Variants in ULK2 observed in about 807,000 individuals in gnomAD.
ULK2 encodes the protein unc-51 like autophagy activating kinase 2.
ULK2 carries 76 observed loss-of-function variants against 127.5 expected under a neutral mutation model. That is an observed-to-expected ratio of 0.60 (90% confidence interval 0.50 to 0.72). The LOEUF (loss-of-function observed/expected upper bound fraction) is 0.72, where lower values mean the gene tolerates loss of function less well. ULK2 is among the 30% of genes least tolerant of loss of function. The pLI, the probability that ULK2 is intolerant of heterozygous loss-of-function variation, is 0.00. For synonymous variants in ULK2, 452 were observed against 461.9 expected (o/e 0.98, Z 0.28); for missense variants, 1,144 against 1,295.9 (o/e 0.88, Z 1.80).
At chr17:19,785,068 G>A (rs1182682715) in intron 21 of ULK2, among the ~76,000 whole-genome samples, 1 of 151,930 alleles carries the variant, frequency 6.6e-6, no homozygotes, top group East Asian at 1.9e-4. Context: ...TTGATTTCAA[G>A]TCCAATCTAA....
At chr17:19,845,233 C>T (rs1333315340) in intron 7 of ULK2, 71 bp downstream of exon 7, 41 of 1,309,336 alleles carry the variant, frequency 3.1e-5, no homozygotes, top group Middle Eastern at 1.8e-4. Context: ...TTTGGAAGCA[C>T]GCATTATATT....
At chr17:19,798,386 C>T (rs1450818733) in intron 17 of ULK2, among the ~76,000 whole-genome samples, 2 of 152,172 alleles carry the variant, frequency 1.3e-5, no homozygotes, top group Non-Finnish European at 2.9e-5. Context: ...CCTGTTTCCC[C>T]CCTACAAACC....
At chr17:19,784,104 T>G in intron 21 of ULK2, 199 bp from the exon 22 acceptor site, 1 of 417,132 alleles carries the variant, frequency 2.4e-6, no homozygotes, top group Non-Finnish European at 4.1e-6. Context: ...TGTCTATATA[T>G]TTTATATTAG....
chr17:19,863,740 C>T (rs59765182), intron 3 of ULK2, among the ~76,000 whole-genome samples: 2,336 of 151,920 alleles, frequency 0.015, 68 homozygotes, highest in African/African-American at 0.053. Context: ...GGTGCTACAC[C>T]CAGAAAACAG....
intron 10 of ULK2, 22 bp from the exon 11 acceptor site, chr17:19,826,208 C>T (rs2041293136): frequency 1.4e-6 from 2 of 1,399,288 alleles, no homozygotes; most frequent in Non-Finnish European, 9.6e-7. Flanking sequence ...AATGAGAATG[C>T]AACCTTTAAA....
chr17:19,773,459 T>G lies in ULK2; in HGVS notation c.*2890A>C, dbSNP rs946416570. 4 of 152,160 alleles carry G rather than the reference T, an allele frequency of 2.6e-5. No homozygotes were observed. Among genetic ancestry groups the G allele is most frequent in the Admixed American group, 2.6e-4 (4 of 15,282 alleles). 9.4% of individuals were successfully genotyped at this position (152,160 alleles called of 1,614,324 possible). On this transcript the variant is annotated 3_prime_UTR_variant, in exon 27 of 27. Transcript: ENST00000395544. The stretch of plus-strand genomic sequence containing the variant: ...AGAACTGCTGGGCTGGTAATTCCTC[T>G]TGGTGGAGACAAAGGAACATGGGAC...
intron 3 of ULK2, among the ~76,000 whole-genome samples, chr17:19,851,159 CAA>C (rs758540102): frequency 4.7e-4 from 49 of 104,918 alleles, no homozygotes; most frequent in East Asian, 2.2e-3. Flanking sequence ...ATAAAAATAC[CAA>C]AAAAAAAAAA....
intron 9 of ULK2, among the ~76,000 whole-genome samples, chr17:19,838,813 G>T (rs558248404): frequency 2.6e-4 from 39 of 151,986 alleles, no homozygotes; most frequent in African/African-American, 9.2e-4. Context: ...GGATCATGAG[G>T]TCAGGAGATC....
chr17:19,864,408 G>A (rs1373433420), intron 3 of ULK2, among the ~76,000 whole-genome samples: 1 of 151,838 alleles, frequency 6.6e-6, no homozygotes, highest in African/African-American at 2.4e-5. Flanking sequence ...CCGGGAGGTA[G>A]CAGTTGCAGT....
Position 19,775,349 on chromosome 17 carries a change from C to T in ULK2, c.*1000G>A, listed in dbSNP as rs925517135. The T allele has an allele frequency of 6.6e-6, 1 of 152,544 alleles. No individual in the cohort carries two copies. Among genetic ancestry groups the T allele is most frequent in the African/African-American group, 2.4e-5 (1 of 41,444 alleles). The allele number at this position is 152,544 out of a possible 1,614,324, so 9.4% of individuals were successfully genotyped here. ...CTCACTGCATGTAGGAACTCCACATCACTAACAAGCCTTTAGGTCACCAAC... is the reference window on the plus strand; with the variant it reads ...CTCACTGCATGTAGGAACTCCACATTACTAACAAGCCTTTAGGTCACCAAC... On this transcript the variant is annotated 3_prime_UTR_variant, in exon 27 of 27. Coordinates refer to ENST00000395544, the MANE Select transcript of ULK2 (RefSeq NM_014683.4).
At chr17:19,846,635 A>G (rs1007740074) in intron 6 of ULK2, 102 bp downstream of exon 6, 17 of 1,318,940 alleles carry the variant, frequency 1.3e-5, no homozygotes, top group Middle Eastern at 2.0e-4. Flanking sequence ...GCGAGACTCC[A>G]TCTCAAAAAA....
At chr17:19,832,887 C>A (rs1386437327) in intron 10 of ULK2, among the ~76,000 whole-genome samples, 1 of 152,120 alleles carries the variant, frequency 6.6e-6, no homozygotes, top group East Asian at 1.9e-4. Flanking sequence ...CTTTGGGAGG[C>A]CGAGGCAGGT....
At chr17:19,790,709 C>G (rs1449216971) in intron 20 of ULK2, among the ~76,000 whole-genome samples, 1 of 152,198 alleles carries the variant, frequency 6.6e-6, no homozygotes, top group African/African-American at 2.4e-5. Flanking sequence ...TTAAAAGACA[C>G]TGAGTGGCTG....
chr17:19,848,851 T>A (rs559624793), intron 5 of ULK2, among the ~76,000 whole-genome samples: 1 of 152,156 alleles, frequency 6.6e-6, no homozygotes, highest in African/African-American at 2.4e-5. Flanking sequence ...CCTACATGTA[T>A]GCATTTTGGG....
intron 3 of ULK2, 120 bp from the exon 4 acceptor site, chr17:19,849,894 A>C: frequency 1.7e-6 from 1 of 584,454 alleles, no homozygotes; most frequent in Admixed American, 3.7e-5. Flanking sequence ...AAATCACAAA[A>C]TCTATTAGAA....
intron 6 of ULK2, among the ~76,000 whole-genome samples, chr17:19,845,877 G>A (rs1219395452): frequency 6.6e-6 from 1 of 152,176 alleles, no homozygotes; most frequent in Non-Finnish European, 1.5e-5. Context: ...GGGAGGCTGA[G>A]GTGGGCAGAT....
Position 19,796,182 on chromosome 17 carries a change from T to C in ULK2, c.1910A>G (p.Asn637Ser). The C allele has an allele frequency of 6.2e-7, 1 of 1,614,208 alleles. No individual in the cohort carries two copies. The highest frequency in any genetic ancestry group is 8.5e-7 in the Non-Finnish European group (1 of 1,180,028). Residue 637 changes from asparagine to serine, a missense_variant, in exon 19 of 27, where the codon AAT becomes AGT. Coordinates refer to ENST00000395544, the MANE Select transcript of ULK2 (RefSeq NM_014683.4). ...GPAEEQSKDG[N>S]EPRECAHCLL... is the part of the protein sequence containing the mutation. ...GCAATGGGCACATTCCCGTGGCTCA[T>C]TCCCATCTTTCGACTGTTCTTCAGC...
intron 20 of ULK2, among the ~76,000 whole-genome samples, chr17:19,791,650 A>C (rs2152384147): frequency 6.6e-6 from 1 of 152,200 alleles, no homozygotes; most frequent in East Asian, 1.9e-4. Flanking sequence ...GCACTAATGT[A>C]CTCCAGCCTG....
intron 1 of ULK2, 147 bp downstream of exon 1, chr17:19,867,181 C>T (rs2042369738): frequency 1.6e-6 from 1 of 610,148 alleles, no homozygotes; most frequent in Non-Finnish European, 2.6e-6. Flanking sequence ...AGGACCAAAA[C>T]AAACGGCGAG....
Sources: allele counts gnomAD v4.1 joint callset (sites outside exome capture counted in the v4.1 genomes callset), GRCh38; gene constraint gnomAD v4.1.1; transcripts MANE v1.5; gene names NCBI Gene and HGNC (gene_info 2026-07-23, HGNC 2026-07-21).